The following PUDP variants were observed in gnomAD, a reference collection of about 807,000 sequenced individuals.
PUDP encodes the protein pseudouridine 5'-phosphatase.
A neutral mutation model predicts 9.4 loss-of-function variants in PUDP; 8 were observed. The ratio of observed to expected loss-of-function variants is 0.85; its 90% confidence interval spans 0.50 to 1.53. PUDP has a LOEUF of 1.53. Ranked by LOEUF, PUDP falls within the 40% of genes most tolerant of loss-of-function variation. PUDP has a pLI of 0.00. For missense variants in PUDP, 188 were observed against 189.7 expected, an observed-to-expected ratio of 0.99 and a Z score of 0.05; for synonymous variants, 99 against 80.7, an observed-to-expected ratio of 1.23 and a Z score of -1.22.
At chrX:6,901,548 C>T (rs1367691451) in intron 3 of PUDP, among the ~76,000 whole-genome samples, 2 of 112,202 alleles carry the variant, frequency 1.8e-5, no homozygotes, top group Admixed American at 9.4e-5. Flanking sequence ...GCTTGCTCCA[C>T]GGGGCGCAGC....
In PUDP at chrX:6,921,731, C is replaced by T. The variant is rs766102661; in HGVS notation, c.*247+55402G>A. On this transcript the variant is annotated intron_variant and NMD_transcript_variant, in intron 3 of 3. Coordinates refer to the PUDP transcript ENST00000655425. The stretch of plus-strand genomic sequence containing the variant: ...ATTTTTCTACCCTCTCTGCCGACTA[C>T]TCCAAAGTTAACAATCATTTACCCA... Among the ~76,000 whole-genome samples, 4 of 110,252 alleles carry T rather than the reference C, an allele frequency of 3.6e-5. No homozygotes were observed. The South Asian group carries it at 1.6e-3, about 44-fold the overall frequency.
chrX:7,037,283 T>C (rs1312188475), intron 1 of PUDP, among the ~76,000 whole-genome samples: 3 of 111,797 alleles, frequency 2.7e-5, no homozygotes, highest in Non-Finnish European at 5.6e-5. Context: ...AGGCTGTGCA[T>C]TTTACAGAAC....
At chrX:6,961,056 T>C (rs1444759607) in intron 3 of PUDP, among the ~76,000 whole-genome samples, 1 of 111,991 alleles carries the variant, frequency 8.9e-6, no homozygotes, top group Non-Finnish European at 1.9e-5. Context: ...CTAATAACTA[T>C]TTCCTATACC....
At chrX:6,786,799 T>G (rs1364972715) in intron 3 of PUDP, among the ~76,000 whole-genome samples, 1 of 112,245 alleles carries the variant, frequency 8.9e-6, no homozygotes, top group Non-Finnish European at 1.9e-5. Context: ...CCACAGTACC[T>G]TATAAAATAT....
Position 7,115,625 on chromosome X carries a change from C to CT in PUDP, c.62-9788dup, listed in dbSNP as rs1264531467. Among the ~76,000 whole-genome samples the CT allele has an allele frequency of 2.7e-5, 3 of 112,174 alleles. 1 individual carries two copies. Among genetic ancestry groups the CT allele is most frequent in the African/African-American group, 3.2e-5 (1 of 30,896 alleles). On this transcript the variant is annotated intron_variant, in intron 1 of 3. Coordinates refer to ENST00000381077, the MANE Select transcript of PUDP (RefSeq NM_012080.5). ...TTCAGACAGCTGGGGTTGCCTTGGGCTTTTTTTGACCTTCTTAACCAGCCA... is the reference window on the plus strand; with the variant it reads ...TTCAGACAGCTGGGGTTGCCTTGGGCTTTTTTTTGACCTTCTTAACCAGCCA...
chrX:7,003,069 T>C (rs1929349625), intron 1 of PUDP, among the ~76,000 whole-genome samples: 1 of 111,898 alleles, frequency 8.9e-6, no homozygotes, highest in Admixed American at 9.4e-5. Context: ...TATTGGCTAT[T>C]ATGTGGGACT....
At chrX:7,059,395 A>G (rs1295360882) in intron 3 of PUDP, among the ~76,000 whole-genome samples, 2 of 112,238 alleles carry the variant, frequency 1.8e-5, no homozygotes, top group Non-Finnish European at 3.8e-5. Flanking sequence ...TGACTGTCTT[A>G]AAGTCAAAAA....
intron 3 of PUDP, among the ~76,000 whole-genome samples, chrX:6,900,610 A>ATACGGAG: frequency 9.3e-6 from 1 of 107,879 alleles, no homozygotes; most frequent in African/African-American, 3.4e-5. Flanking sequence ...AGAGAGAGAG[A>ATACGGAG]ATGCTAACAG....
At chrX:6,775,480 T>G (rs1012203797) in intron 3 of PUDP, among the ~76,000 whole-genome samples, 1 of 83,675 alleles carries the variant, frequency 1.2e-5, no homozygotes, top group African/African-American at 4.5e-5. Context: ...GATAGATAGA[T>G]AGATACACAC....
chrX:6,977,049 T>C (rs1928966193), intron 3 of PUDP, among the ~76,000 whole-genome samples: 1 of 112,293 alleles, frequency 8.9e-6, no homozygotes, highest in African/African-American at 3.2e-5. Context: ...AACAGAAAAT[T>C]GCTCTGTAAA....
At chrX:6,929,225 G>T (rs1928153064) in intron 3 of PUDP, among the ~76,000 whole-genome samples, 1 of 112,611 alleles carries the variant, frequency 8.9e-6, no homozygotes, top group Non-Finnish European at 1.9e-5. Flanking sequence ...TATTTGAAAA[G>T]ATTTATTCTG....
At chrX:6,866,746 A>G (rs1272749687) in intron 3 of PUDP, among the ~76,000 whole-genome samples, 1 of 112,289 alleles carries the variant, frequency 8.9e-6, no homozygotes, top group Non-Finnish European at 1.9e-5. Flanking sequence ...ACTGTGTGTG[A>G]GAACATTCAC....
intron 3 of PUDP, among the ~76,000 whole-genome samples, chrX:6,934,953 C>A (rs1928272063): frequency 1.3e-5 from 1 of 79,559 alleles, no homozygotes; most frequent in African/African-American, 4.7e-5. Context: ...TATATATGCA[C>A]CCAATACAGG....
At chrX:6,764,695 AT>A (rs1341501544) in intron 3 of PUDP, among the ~76,000 whole-genome samples, 1 of 111,486 alleles carries the variant, frequency 9.0e-6, no homozygotes, top group African/African-American at 3.3e-5. Context: ...CATCAAAATT[AT>A]TGACTATGGG....
Position 7,085,651 on chromosome X carries a change from A to C in PUDP, c.281-8202T>G, listed in dbSNP as rs1931241407. On this transcript the variant is annotated intron_variant, in intron 2 of 3. Transcript: ENST00000381077. ...TTCCTTTAAGTTTAACATCTGTTTAACTTTTAAAAACATATGCTGATGCAT... is the reference window on the plus strand; with the variant it reads ...TTCCTTTAAGTTTAACATCTGTTTACCTTTTAAAAACATATGCTGATGCAT... 2.7e-5 allele frequency among the ~76,000 whole-genome samples: 3 copies of C among 112,504 alleles called. 1 individual carries two copies. Among genetic ancestry groups the C allele is most frequent in the African/African-American group, 9.7e-5 (3 of 30,898 alleles).
At chrX:6,846,277 C>T (rs950466045) in intron 3 of PUDP, among the ~76,000 whole-genome samples, 2 of 109,841 alleles carry the variant, frequency 1.8e-5, no homozygotes, top group South Asian at 4.0e-4. Flanking sequence ...TGGTGGCGAG[C>T]GCCTATAGTC....
intron 3 of PUDP, among the ~76,000 whole-genome samples, chrX:6,918,256 A>G (rs1350932435): frequency 2.7e-5 from 3 of 111,951 alleles, no homozygotes; most frequent in African/African-American, 9.7e-5. Flanking sequence ...AAATAAGAGT[A>G]TTAGAAATAT....
chrX:6,977,715 G>T lies in PUDP; in HGVS notation c.*137+450C>A, dbSNP rs1050312202. Among the ~76,000 whole-genome samples the T allele has an allele frequency of 2.6e-4, 29 of 112,057 alleles. 1 individual carries two copies. The highest frequency in any genetic ancestry group is 9.1e-4 in the African/African-American group (28 of 30,822). The stretch of plus-strand genomic sequence containing the variant: ...TGGACAGTGACTTGGCAAACCAAAA[G>T]CCAGGAAAAAGAGGCTCTACCAGCT... On this transcript the variant is annotated intron_variant and NMD_transcript_variant, in intron 2 of 3. Coordinates refer to the PUDP transcript ENST00000655425.
intron 3 of PUDP, among the ~76,000 whole-genome samples, chrX:6,836,588 G>T (rs1410791162): frequency 8.9e-6 from 1 of 112,158 alleles, no homozygotes; most frequent in African/African-American, 3.2e-5. Context: ...CAGCAATATT[G>T]TATCTTTCAG....
Sources: gnomAD v4.1 joint callset for allele counts (sites outside exome capture counted in the v4.1 genomes callset) on GRCh38, gnomAD v4.1.1 for gene constraint, MANE v1.5 for transcripts, NCBI Gene and HGNC (gene_info 2026-07-23, HGNC 2026-07-21) for gene names.